The following ROBO2 variants were observed in gnomAD, a reference collection of about 807,000 sequenced individuals.
ROBO2 encodes the protein roundabout guidance receptor 2.
Under a neutral mutation model 160.8 loss-of-function variants are expected in ROBO2, and 53 were observed. The ratio of observed to expected loss-of-function variants is 0.33; its 90% CI spans 0.26 to 0.41. ROBO2 has a LOEUF of 0.41. Ranked by LOEUF, ROBO2 falls within the 10% of genes least tolerant of loss-of-function variation. The pLI is 1.00. For missense variants in ROBO2, 1,577 were observed against 1,722.4 expected (o/e 0.92, Z 1.49); for synonymous variants, 664 against 611.7 (o/e 1.09, Z -1.26).
At chr3:75,970,643 TG>T (rs2064966205) in intron 2 of ROBO2, among the ~76,000 whole-genome samples, 1 of 151,586 alleles carries the variant, frequency 6.6e-6, no homozygotes, top group Admixed American at 6.6e-5. Flanking sequence ...AAGACTATAA[TG>T]TCTTTATTAA....
At chr3:77,644,016 G>C (rs1390799074) in intron 24 of ROBO2, among the ~76,000 whole-genome samples, 4 of 152,026 alleles carry the variant, frequency 2.6e-5, no homozygotes, top group Non-Finnish European at 5.9e-5. Flanking sequence ...ATGGGGTGTG[G>C]AGAGGGAGCA....
intron 1 of ROBO2, among the ~76,000 whole-genome samples, chr3:75,924,966 G>A (rs1234458154): frequency 6.6e-6 from 1 of 152,054 alleles, no homozygotes; most frequent in South Asian, 2.1e-4. Flanking sequence ...GGGATTACAG[G>A]CGTGAGCCAC....
At chr3:76,765,061 G>A (rs563349862) in intron 2 of ROBO2, among the ~76,000 whole-genome samples, 18 of 151,558 alleles carry the variant, frequency 1.2e-4, no homozygotes, top group Middle Eastern at 3.4e-3. Flanking sequence ...ATCCCTCTCC[G>A]ACCCTTCCAC....
intron 1 of ROBO2, among the ~76,000 whole-genome samples, chr3:75,907,745 G>C (rs1012076166): frequency 3.9e-5 from 6 of 152,104 alleles, no homozygotes; most frequent in African/African-American, 1.4e-4. Context: ...AGAACTTTGG[G>C]GAAAGGGATT....
rs192803701 is a variant in ROBO2, at chr3:76,625,815, G to A, written c.110-472199G>A. On this transcript the variant is annotated intron_variant, in intron 2 of 26. Transcript: ENST00000487694. ...CTTGTAAGCCAATATACAACCTTTG[G>A]TTCTTACTCAGGGAAATGGGAAACC... is the stretch of plus-strand genomic sequence containing the variant. Among the ~76,000 whole-genome samples the A allele has an allele frequency of 2.9e-3, 449 of 152,256 alleles. 3 individuals carry two copies. Among genetic ancestry groups the A allele is most frequent in the Admixed American group, 5.6e-3 (86 of 15,296 alleles).
At chr3:77,554,497 A>T (rs1165607887) in intron 8 of ROBO2, among the ~76,000 whole-genome samples, 1 of 152,016 alleles carries the variant, frequency 6.6e-6, no homozygotes, top group Non-Finnish European at 1.5e-5. Flanking sequence ...AGGGTTAATT[A>T]AAAACCTTCT....
intron 2 of ROBO2, among the ~76,000 whole-genome samples, chr3:76,046,066 C>G (rs1383780493): frequency 6.6e-6 from 1 of 151,846 alleles, no homozygotes; most frequent in Non-Finnish European, 1.5e-5. Flanking sequence ...ATTGAGTGAT[C>G]TGTTCAGGCC....
chr3:77,017,075 T>A (rs987049054), intron 2 of ROBO2, among the ~76,000 whole-genome samples: 9 of 152,182 alleles, frequency 5.9e-5, no homozygotes, highest in Non-Finnish European at 8.8e-5. Context: ...TGCAAAATAA[T>A]CTTACCATAT....
chr3:76,230,713 C>T (rs1383868192), intron 2 of ROBO2, among the ~76,000 whole-genome samples: 1 of 68,802 alleles, frequency 1.5e-5, no homozygotes, highest in Non-Finnish European at 3.4e-5. Context: ...CCTTCTCACA[C>T]TGTTTTGGTT....
At chr3:76,384,141 T>C (rs763837664) in intron 2 of ROBO2, among the ~76,000 whole-genome samples, 80 of 152,240 alleles carry the variant, frequency 5.3e-4, no homozygotes, top group Admixed American at 1.6e-3. Flanking sequence ...GCACAGTCAT[T>C]TCAATTGGAG....
At chr3:77,495,842 T>C (rs2086717205) in intron 5 of ROBO2, among the ~76,000 whole-genome samples, 1 of 152,186 alleles carries the variant, frequency 6.6e-6, no homozygotes, top group African/African-American at 2.4e-5. Context: ...TAAGTGTGCA[T>C]TGCATTTTAA....
chr3:76,962,062 C>T (rs1041128648), intron 2 of ROBO2, among the ~76,000 whole-genome samples: 3 of 151,974 alleles, frequency 2.0e-5, no homozygotes, highest in Non-Finnish European at 4.4e-5. Flanking sequence ...TTGCCAGGCA[C>T]GGTGGCTCAC....
intron 2 of ROBO2, among the ~76,000 whole-genome samples, chr3:76,894,806 T>C (rs2074637165): frequency 6.6e-6 from 1 of 152,180 alleles, no homozygotes. Flanking sequence ...ACTTTTTTTC[T>C]GAATCATGTG....
intron 9 of ROBO2, among the ~76,000 whole-genome samples, chr3:77,559,522 C>G (rs1405290179): frequency 6.6e-6 from 1 of 152,038 alleles, no homozygotes; most frequent in Admixed American, 6.6e-5. Context: ...TCTGTAGAAT[C>G]TTGGGTCCAG....
intron 2 of ROBO2, among the ~76,000 whole-genome samples, chr3:77,380,977 C>G (rs987113385): frequency 2.6e-5 from 4 of 152,042 alleles, no homozygotes; most frequent in Admixed American, 2.6e-4. Context: ...CCTTGCTACC[C>G]CACCCATCAC....
intron 2 of ROBO2, among the ~76,000 whole-genome samples, chr3:76,610,496 G>C (rs2088016332): frequency 6.6e-6 from 1 of 152,194 alleles, no homozygotes; most frequent in Non-Finnish European, 1.5e-5. Flanking sequence ...AGAGATGCCA[G>C]CAATTGTGGG....
chr3:75,990,185 A>G (rs2065527569), intron 2 of ROBO2, among the ~76,000 whole-genome samples: 1 of 152,228 alleles, frequency 6.6e-6, no homozygotes, highest in Non-Finnish European at 1.5e-5. Context: ...TCTGAAAACT[A>G]TAATTAAAAT....
At chr3:77,257,909 A>T (rs1178645172) in intron 2 of ROBO2, among the ~76,000 whole-genome samples, 1 of 152,276 alleles carries the variant, frequency 6.6e-6, no homozygotes, top group Non-Finnish European at 1.5e-5. Flanking sequence ...AGGATATGTC[A>T]TTTTAACCTA....
intron 2 of ROBO2, among the ~76,000 whole-genome samples, chr3:77,323,974 G>A (rs2065088718): frequency 6.6e-6 from 1 of 152,072 alleles, no homozygotes; most frequent in Non-Finnish European, 1.5e-5. Context: ...TAACCCATAT[G>A]TTTGTTTCTG....
Sources: gnomAD v4.1 joint callset for allele counts (sites outside exome capture counted in the v4.1 genomes callset) on GRCh38, gnomAD v4.1.1 for gene constraint, MANE v1.5 for transcripts, NCBI Gene and HGNC (gene_info 2026-07-23, HGNC 2026-07-21) for gene names.